PRRX1: variants seen among roughly 807,000 people sequenced by gnomAD.
PRRX1 encodes paired mesoderm homeobox protein 1.
Under a neutral mutation model 24.0 loss-of-function variants are expected in PRRX1, and 8 were observed. The ratio of observed to expected loss-of-function variants is 0.33; its 90% confidence interval spans 0.20 to 0.60. The LOEUF is 0.60. PRRX1 is among the 20% of genes least tolerant of loss of function. The pLI is 0.82. For missense variants in PRRX1, 281 were observed against 322.4 expected, an observed-to-expected ratio of 0.87 and a Z score of 0.98; for synonymous variants, 160 against 131.7, an observed-to-expected ratio of 1.22 and a Z score of -1.47.
intron 1 of PRRX1, among the ~76,000 whole-genome samples, chr1:170,699,828 T>A (rs1279393011): frequency 6.6e-6 from 1 of 152,074 alleles, no homozygotes; most frequent in Non-Finnish European, 1.5e-5. Flanking sequence ...CTCCCCCTCC[T>A]GGGTTCAAGT....
intron 1 of PRRX1, among the ~76,000 whole-genome samples, chr1:170,697,732 A>G (rs986133044): frequency 1.9e-4 from 28 of 145,436 alleles, no homozygotes; most frequent in Non-Finnish European, 3.7e-4. Flanking sequence ...ATAAATATAT[A>G]CATATATAAA....
rs1045055417 is a variant in PRRX1, at chr1:170,739,383, A to G, written c.*3197A>G. On this transcript the variant is annotated 3_prime_UTR_variant, in exon 4 of 4. Coordinates refer to ENST00000239461, the MANE Select transcript of PRRX1 (RefSeq NM_022716.4). ...AATAGAAATGATTTCTTTTCAATAA[A>G]AAGAAAGAAGGACTCTACCATGTCT... 1 of 175,936 alleles carries G rather than the reference A, an allele frequency of 5.7e-6. No homozygotes were observed. The highest frequency in any genetic ancestry group is 6.3e-5 in the Admixed American group (1 of 15,770). The allele number at this position is 175,936 out of a possible 1,614,324, so 10.9% of individuals were successfully genotyped here.
chr1:170,689,784 T>C (rs551124122), intron 1 of PRRX1, among the ~76,000 whole-genome samples: 1 of 150,084 alleles, frequency 6.7e-6, no homozygotes, highest in South Asian at 2.1e-4. Flanking sequence ...CAAGCATCTG[T>C]AGAGCCGAAC....
intron 1 of PRRX1, among the ~76,000 whole-genome samples, chr1:170,676,237 T>C (rs1486287053): frequency 6.6e-6 from 1 of 152,250 alleles, no homozygotes; most frequent in African/African-American, 2.4e-5. Context: ...TGTTACAGTC[T>C]GTTCTTAGCT....
upstream of PRRX1, chr1:170,663,887 G>A: frequency 3.7e-6 from 1 of 273,074 alleles, no homozygotes; most frequent in East Asian, 5.9e-5. Context: ...TTTTTCTCCT[G>A]ACTTGAACAT....
rs960374096 is a variant in PRRX1 at position 170,666,461 on chromosome 1, T to G, written c.241+2002T>G. Among the ~76,000 whole-genome samples, 134 of 145,360 alleles carry G rather than the reference T, an allele frequency of 9.2e-4. 1 individual carries two copies. Among genetic ancestry groups the G allele is most frequent in the African/African-American group, 3.0e-3 (118 of 38,872 alleles). On this transcript the variant is annotated intron_variant, in intron 1 of 3. Transcript: ENST00000239461. Reference sequence around the variant, plus strand: ...AAAAAGTAGGGAGAACAGCATTTGGTGTAGACCCCAGCTTCACCAATTCTG... The same window carrying G: ...AAAAAGTAGGGAGAACAGCATTTGGGGTAGACCCCAGCTTCACCAATTCTG...
intron 1 of PRRX1, among the ~76,000 whole-genome samples, chr1:170,701,622 A>G (rs1360241682): frequency 6.6e-6 from 1 of 152,176 alleles, no homozygotes; most frequent in African/African-American, 2.4e-5. Context: ...TTAAGGAAAG[A>G]TTTTATTCGA....
At chr1:170,727,251 T>C (rs908840062) in intron 3 of PRRX1, 6 of 152,194 alleles carry the variant, frequency 3.9e-5, no homozygotes, top group African/African-American at 1.4e-4. Flanking sequence ...TAACCTCCCA[T>C]TATTATGCTG....
chr1:170,664,337 T>C lies in PRRX1; in HGVS notation c.119T>C (p.Leu40Pro). The change falls in exon 1 of 4, where the codon CTA (leucine) becomes CCA (proline). Residue 40 changes from leucine (L) to proline (P), a missense_variant. Leu to Pro is a moderately conservative substitution (Grantham distance 98). Coordinates refer to ENST00000239461, the MANE Select transcript of PRRX1 (RefSeq NM_022716.4). ...AAGAACTTCTCCGTCAGTCACCTGC[T>C]AGACCTGGAGGAAGCCGGGGACATG... ...AKKNFSVSHL[L>P]DLEEAGDMVA... 1 of 1,613,980 alleles carries C rather than the reference T, an allele frequency of 6.2e-7. No homozygotes were observed. Among genetic ancestry groups the C allele is most frequent in the Non-Finnish European group, 8.5e-7 (1 of 1,179,956 alleles).
intron 3 of PRRX1, among the ~76,000 whole-genome samples, chr1:170,735,369 C>A (rs894919312): frequency 3.9e-5 from 6 of 152,108 alleles, no homozygotes; most frequent in East Asian, 1.9e-4. Context: ...TAAACATTTT[C>A]AAAATAACTG....
intron 1 of PRRX1, among the ~76,000 whole-genome samples, chr1:170,674,241 C>CACACAA (rs72373351): frequency 2.4e-5 from 3 of 126,416 alleles, no homozygotes; most frequent in African/African-American, 5.0e-5. Context: ...CGCACGCACG[C>CACACAA]ACACACACAC....
At chr1:170,725,135 C>T (rs1358616731) in intron 2 of PRRX1, among the ~76,000 whole-genome samples, 1 of 151,706 alleles carries the variant, frequency 6.6e-6, no homozygotes, top group Non-Finnish European at 1.5e-5. Context: ...GATTTTGCAC[C>T]CTGAGACTTT....
chr1:170,729,442 A>G (rs1655359649), intron 3 of PRRX1, among the ~76,000 whole-genome samples: 1 of 147,520 alleles, frequency 6.8e-6, no homozygotes, highest in Admixed American at 6.8e-5. Context: ...AAACCAAGGC[A>G]TAAAAGCAGT....
chr1:170,736,059 CTT>C lies in PRRX1; in HGVS notation c.612_613del (p.Tyr205PhefsTer8). 6.2e-7 allele frequency: 1 copy of C among 1,614,070 alleles called. No homozygotes were observed. Among genetic ancestry groups the C allele is most frequent in the Admixed American group, 1.7e-5 (1 of 60,024 alleles). ...CTTTGTCCCTACAGCGCCATGGCTA[CTT>C]ATTCTGCCACATGTGCCAACAATAG... On this transcript the variant is annotated frameshift_variant, in exon 4 of 4. Transcript: ENST00000239461. LOFTEE classifies it high-confidence loss of function.
chr1:170,685,119 G>A (rs1439522970), intron 1 of PRRX1, among the ~76,000 whole-genome samples: 11 of 152,190 alleles, frequency 7.2e-5, no homozygotes, highest in Non-Finnish European at 1.3e-4. Context: ...TCCTGATGCT[G>A]AAATATTGGT....
intron 1 of PRRX1, among the ~76,000 whole-genome samples, chr1:170,690,586 A>G (rs541242029): frequency 5.9e-5 from 9 of 152,210 alleles, no homozygotes; most frequent in African/African-American, 1.7e-4. Flanking sequence ...TAGTTTTTGA[A>G]TTTGAAAATG....
intron 1 of PRRX1, among the ~76,000 whole-genome samples, chr1:170,710,869 C>G (rs1296777437): frequency 6.6e-6 from 1 of 152,186 alleles, no homozygotes; most frequent in Non-Finnish European, 1.5e-5. Context: ...CCTGAGGCTT[C>G]CAGCCTCTGA....
intron 2 of PRRX1, among the ~76,000 whole-genome samples, chr1:170,720,907 G>A (rs1558060628): frequency 6.6e-6 from 1 of 152,152 alleles, no homozygotes; most frequent in Admixed American, 6.5e-5. Flanking sequence ...TAACACTACT[G>A]GAGCCCTTAT....
chr1:170,680,766 C>G lies in PRRX1; in HGVS notation c.241+16307C>G, dbSNP rs147027081. Reference sequence around the variant, plus strand: ...TGCATCACCTTCTCAATGAGTTTTCCTTTTGGAGGAACAGTTACCAAAGAC... The same window carrying G: ...TGCATCACCTTCTCAATGAGTTTTCGTTTTGGAGGAACAGTTACCAAAGAC... On this transcript the variant is annotated intron_variant, in intron 1 of 3. Transcript: ENST00000239461. 4.8e-3 allele frequency among the ~76,000 whole-genome samples: 730 copies of G among 152,234 alleles called. 6 individuals are homozygous for G. The highest frequency in any genetic ancestry group is 8.8e-3 in the Non-Finnish European group (599 of 68,008).
Sources: gnomAD v4.1 joint callset for allele counts (sites outside exome capture counted in the v4.1 genomes callset) on GRCh38, gnomAD v4.1.1 for gene constraint, MANE v1.5 for transcripts, NCBI Gene and HGNC (gene_info 2026-07-23, HGNC 2026-07-21) for gene names.